NCAM2: variants seen among roughly 807,000 people sequenced by gnomAD.
NCAM2 encodes the protein N-CAM-2.
A neutral mutation model predicts 98.1 loss-of-function variants in NCAM2; 30 were observed. The ratio of observed to expected loss-of-function variants is 0.31; its 90% CI spans 0.23 to 0.41. The LOEUF (loss-of-function observed/expected upper bound fraction) is 0.41. Ranked by LOEUF, NCAM2 falls within the 10% of genes least tolerant of loss-of-function variation. The probability of loss-of-function intolerance (pLI) is 1.00; values close to 1 mark genes in which losing one functional copy is unlikely to be tolerated. For synonymous variants in NCAM2, 368 were observed against 342.4 expected, an observed-to-expected ratio of 1.07 and a Z score of -0.83; for missense variants, 867 against 1,005.8, an observed-to-expected ratio of 0.86 and a Z score of 1.87.
At chr21:21,202,520 G>A (rs552439773) in intron 1 of NCAM2, among the ~76,000 whole-genome samples, 38 of 143,054 alleles carry the variant, frequency 2.7e-4, no homozygotes, top group African/African-American at 9.4e-4. Flanking sequence ...AGGTTCAAGC[G>A]GTTCTCCTGC....
intron 6 of NCAM2, among the ~76,000 whole-genome samples, chr21:21,328,901 C>A (rs780376428): frequency 6.6e-6 from 1 of 151,806 alleles, no homozygotes; most frequent in Admixed American, 6.6e-5. Flanking sequence ...AACTTCTAGT[C>A]CTGGAAGCTC....
At chr21:21,424,066 G>A (rs1161672128) in intron 11 of NCAM2, among the ~76,000 whole-genome samples, 1 of 152,030 alleles carries the variant, frequency 6.6e-6, no homozygotes, top group South Asian at 2.1e-4. Flanking sequence ...TAAATATAAC[G>A]GCAGGATTCT....
At chr21:21,034,234 G>A (rs1278820024) in intron 1 of NCAM2, among the ~76,000 whole-genome samples, 5 of 152,030 alleles carry the variant, frequency 3.3e-5, no homozygotes, top group Non-Finnish European at 7.4e-5. Flanking sequence ...TGGCATAATC[G>A]TCTCTATATG....
chr21:21,111,592 G>C (rs1006645049), intron 1 of NCAM2, among the ~76,000 whole-genome samples: 1 of 152,160 alleles, frequency 6.6e-6, no homozygotes, highest in South Asian at 2.1e-4. Flanking sequence ...AGGAAGATCT[G>C]ATACAGAGCA....
rs11700959 is a variant in NCAM2, at chr21:21,472,687, G to A, written c.1896+3904G>A. On this transcript the variant is annotated intron_variant, in intron 14 of 17. Transcript: ENST00000400546. ...ATAGAATAATTAATATGAGAAATAAGAAACACAAGAAAAAATGCACTGCCA... is the reference window on the plus strand; with the variant it reads ...ATAGAATAATTAATATGAGAAATAAAAAACACAAGAAAAAATGCACTGCCA... Among the ~76,000 whole-genome samples, 1,053 of 151,468 alleles carry A rather than the reference G, an allele frequency of 7.0e-3. 5 individuals carry two copies. The highest frequency in any genetic ancestry group is 9.3e-3 in the Non-Finnish European group (629 of 67,804).
intron 1 of NCAM2, among the ~76,000 whole-genome samples, chr21:21,082,282 A>AAAAC (rs1555882231): frequency 3.1e-3 from 7 of 2,268 alleles, no homozygotes; most frequent in East Asian, 0.013. Context: ...AGCTCAAAAC[A>AAAAC]AAAAAAAAAA....
At chr21:21,453,450 C>T (rs1012278822) in intron 12 of NCAM2, among the ~76,000 whole-genome samples, 6 of 152,016 alleles carry the variant, frequency 3.9e-5, no homozygotes, top group Non-Finnish European at 8.8e-5. Flanking sequence ...GCCAATGTCC[C>T]ATGGGGCCTT....
chr21:21,526,793 C>A (rs138605974), intron 16 of NCAM2, among the ~76,000 whole-genome samples: 179 of 152,036 alleles, frequency 1.2e-3, no homozygotes, highest in South Asian at 0.012. Context: ...TAATGGAACC[C>A]AATAAAAACC....
At chr21:21,254,920 GTGTGTA>G (rs955807571) in intron 1 of NCAM2, among the ~76,000 whole-genome samples, 2 of 146,258 alleles carry the variant, frequency 1.4e-5, no homozygotes, top group Admixed American at 6.9e-5. Flanking sequence ...GTGTGTGTGT[GTGTGTA>G]TGTGTACCCA....
At chr21:21,317,909 A>G (rs2074267050) in intron 5 of NCAM2, among the ~76,000 whole-genome samples, 1 of 152,164 alleles carries the variant, frequency 6.6e-6, no homozygotes, top group South Asian at 2.1e-4. Context: ...ACTTTTCTTT[A>G]ATGTATAGGT....
intron 5 of NCAM2, among the ~76,000 whole-genome samples, chr21:21,317,444 C>T (rs1408104148): frequency 6.6e-6 from 1 of 152,084 alleles, no homozygotes; most frequent in African/African-American, 2.4e-5. Context: ...TCTAAAAATA[C>T]GTTCTGAAAT....
At position 21,160,350 on chromosome 21, in the gene NCAM2, A is replaced by G. The variant is rs1225623733; in HGVS notation, c.56-120228A>G. On this transcript the variant is annotated intron_variant, in intron 1 of 17. Coordinates refer to ENST00000400546, the MANE Select transcript of NCAM2 (RefSeq NM_004540.5). The stretch of plus-strand genomic sequence containing the variant: ...ATATAAATATATTGTTGTAGCATAA[A>G]ATACTTGTTTTCAATACATTGCCAT... 2.0e-5 allele frequency among the ~76,000 whole-genome samples: 3 copies of G among 151,958 alleles called. No homozygotes were observed. The East Asian group carries it at 5.8e-4, about 29-fold the overall frequency.
In NCAM2 at chr21:21,534,545, G is replaced by A; in HGVS notation, c.2291G>A (p.Gly764Glu). The change falls in exon 17 of 18, where the codon GGA becomes GAA. Residue 764 changes from glycine to glutamate, a missense_variant. This residue lies in a region of NCAM2 where 125 missense variants were observed against 116.1 expected (regional missense o/e 1.08). Transcript: ENST00000400546. ...TCTCTTTATGTTTCTAGGAAAGATG[G>A]ATCAAAAGAACCAATAGTGGAGATG... The part of the protein sequence containing the change: ...EEGKAAYLKD[G>E]SKEPIVEMRT... 1 of 1,591,266 alleles carries A rather than the reference G, an allele frequency of 6.3e-7. No homozygotes were observed. Among genetic ancestry groups the A allele is most frequent in the East Asian group, 2.3e-5 (1 of 44,170 alleles).
intron 9 of NCAM2, among the ~76,000 whole-genome samples, chr21:21,393,160 A>G (rs1426506903): frequency 6.6e-6 from 1 of 152,198 alleles, no homozygotes; most frequent in Non-Finnish European, 1.5e-5. Context: ...AGTCTTCTGC[A>G]TATGGCTAGC....
At chr21:21,495,831 T>C (rs1183977263) in intron 15 of NCAM2, among the ~76,000 whole-genome samples, 3 of 151,886 alleles carry the variant, frequency 2.0e-5, no homozygotes, top group Non-Finnish European at 4.4e-5. Context: ...CTTTATTATG[T>C]TTCCTTGACC....
chr21:21,247,147 G>A (rs997832727), intron 1 of NCAM2, among the ~76,000 whole-genome samples: 8 of 151,806 alleles, frequency 5.3e-5, no homozygotes, highest in Admixed American at 1.3e-4. Context: ...GTGAAACCCC[G>A]TCTCTACTAA....
At chr21:21,363,249 T>C (rs1427957387) in intron 8 of NCAM2, among the ~76,000 whole-genome samples, 2 of 152,132 alleles carry the variant, frequency 1.3e-5, no homozygotes, top group African/African-American at 4.8e-5. Flanking sequence ...GTGTGTATTA[T>C]AGAGAACATT....
At chr21:21,155,865 T>C (rs2067595549) in intron 1 of NCAM2, among the ~76,000 whole-genome samples, 1 of 152,012 alleles carries the variant, frequency 6.6e-6, no homozygotes, top group African/African-American at 2.4e-5. Flanking sequence ...CCTGTGAAGA[T>C]GCAGAAAATA....
chr21:21,054,275 G>C lies in NCAM2; in HGVS notation c.55+55657G>C, dbSNP rs185632745. On this transcript the variant is annotated intron_variant, in intron 1 of 17. Coordinates refer to ENST00000400546, the MANE Select transcript of NCAM2 (RefSeq NM_004540.5). ...AGTACAAATTTGTTGGTGAATATTG[G>C]TTGTCACCACACAGTACAGTATTTC... Among the ~76,000 whole-genome samples the C allele has an allele frequency of 2.6e-5, 4 of 151,836 alleles. No individual in the cohort carries two copies. The South Asian group carries it at 8.3e-4, about 31-fold the overall frequency.
Sources: allele counts gnomAD v4.1 joint callset (sites outside exome capture counted in the v4.1 genomes callset), GRCh38; gene constraint gnomAD v4.1.1; regional missense constraint gnomAD v4.1.1; transcripts MANE v1.5; gene names NCBI Gene and HGNC (gene_info 2026-07-23, HGNC 2026-07-21).